The following SUPT3H variants were observed in gnomAD, a reference collection of about 807,000 sequenced individuals.
The protein encoded by SUPT3H is transcription initiation protein SPT3 homolog.
Under a neutral mutation model 44.3 loss-of-function variants are expected in SUPT3H, and 44 were observed. That is an observed-to-expected ratio of 0.99 (90% CI 0.78 to 1.28). SUPT3H has a LOEUF of 1.28. Among genes scored for constraint, SUPT3H ranks in the 50% most tolerant of loss-of-function variants. The pLI is 0.00. For missense variants in SUPT3H, 380 were observed against 387.1 expected, an observed-to-expected ratio of 0.98 and a Z score of 0.15; for synonymous variants, 124 against 125.6, an observed-to-expected ratio of 0.99 and a Z score of 0.09.
rs1296193771 is a variant in SUPT3H, at chr6:45,130,713, T to C, written c.102-24707A>G. Among the ~76,000 whole-genome samples the C allele has an allele frequency of 2.7e-5, 3 of 109,664 alleles. No homozygotes were observed. In the South Asian group the frequency reaches 9.5e-4, roughly 35 times the overall value. 71.9% of individuals were successfully genotyped at this position (109,664 alleles called of 152,430 possible). A position where few individuals can be genotyped will look rare whatever the true frequency, so the allele number is the denominator to read the frequency against. ...AAAAAAAAACAAAAAAAAAAACCACTTTTTTTTTTTTTTTTTTTTTTCAGA... is the reference window on the plus strand; with the variant it reads ...AAAAAAAAACAAAAAAAAAAACCACCTTTTTTTTTTTTTTTTTTTTTCAGA... On this transcript the variant is annotated intron_variant, in intron 2 of 10. Transcript: ENST00000371459.
intron 6 of SUPT3H, among the ~76,000 whole-genome samples, chr6:44,999,405 T>C (rs1781712905): frequency 6.6e-6 from 1 of 152,018 alleles, no homozygotes. Context: ...TGAAGGGTGG[T>C]GTTTTGTAAC....
intron 2 of SUPT3H, among the ~76,000 whole-genome samples, chr6:45,200,876 T>C (rs1762368857): frequency 6.6e-6 from 1 of 151,582 alleles, no homozygotes; most frequent in Non-Finnish European, 1.5e-5. Context: ...TACATACTGG[T>C]AATAAATGTA....
At chr6:45,113,278 A>G (rs1800345500) in intron 2 of SUPT3H, among the ~76,000 whole-genome samples, 1 of 152,178 alleles carries the variant, frequency 6.6e-6, no homozygotes. Context: ...CACAGACATC[A>G]TACTGTTGTT....
intron 2 of SUPT3H, among the ~76,000 whole-genome samples, chr6:45,352,170 A>G (rs1356925780): frequency 6.6e-6 from 1 of 152,194 alleles, no homozygotes; most frequent in Non-Finnish European, 1.5e-5. Flanking sequence ...AAAAATCCTA[A>G]CAGTATTTCA....
At chr6:45,178,344 C>G (rs1812414436) in intron 2 of SUPT3H, among the ~76,000 whole-genome samples, 1 of 152,188 alleles carries the variant, frequency 6.6e-6, no homozygotes, top group Non-Finnish European at 1.5e-5. Flanking sequence ...GTAAAGGGAT[C>G]AATTCAACAA....
chr6:44,828,056 T>C lies in SUPT3H; in HGVS notation c.*1760A>G, dbSNP rs1238363791. Among the ~76,000 whole-genome samples the C allele has an allele frequency of 6.6e-6, 1 of 152,120 alleles. No homozygotes were observed. Among genetic ancestry groups the C allele is most frequent in the African/African-American group, 2.4e-5 (1 of 41,432 alleles). ...AACCCAAACCCTATATTTTCTGCCT[T>C]GTGCATACTTTAAAATGTATAATGT... On this transcript the variant is annotated 3_prime_UTR_variant, in exon 11 of 11. Transcript: ENST00000371459.
intron 4 of SUPT3H, among the ~76,000 whole-genome samples, chr6:45,017,709 C>G (rs1394246750): frequency 1.4e-5 from 2 of 146,728 alleles, no homozygotes; most frequent in Non-Finnish European, 3.0e-5. Context: ...ATCTATATCT[C>G]TGTTTTGGTA....
intron 2 of SUPT3H, among the ~76,000 whole-genome samples, chr6:45,284,197 A>T (rs1335692943): frequency 1.3e-5 from 2 of 152,220 alleles, no homozygotes; most frequent in Non-Finnish European, 2.9e-5. Flanking sequence ...GAGAAGCAAG[A>T]GCAAACACAT....
intron 10 of SUPT3H, among the ~76,000 whole-genome samples, chr6:44,897,574 C>G (rs1341189256): frequency 6.6e-6 from 1 of 152,192 alleles, no homozygotes; most frequent in African/African-American, 2.4e-5. Context: ...AACATCATTT[C>G]AAGCAAAATC....
intron 10 of SUPT3H, among the ~76,000 whole-genome samples, chr6:44,924,689 G>A (rs1387480619): frequency 1.3e-5 from 2 of 151,946 alleles, no homozygotes; most frequent in East Asian, 3.9e-4. Context: ...ATCTTTCTGG[G>A]AAATACTCAC....
intron 6 of SUPT3H, among the ~76,000 whole-genome samples, chr6:44,994,370 T>C (rs1045608855): frequency 6.6e-6 from 1 of 152,160 alleles, no homozygotes; most frequent in African/African-American, 2.4e-5. Flanking sequence ...GAAAACTTCC[T>C]AGAGAGTTGA....
At chr6:44,915,232 G>A (rs1311972688) in intron 10 of SUPT3H, among the ~76,000 whole-genome samples, 2 of 152,250 alleles carry the variant, frequency 1.3e-5, no homozygotes, top group Non-Finnish European at 2.9e-5. Context: ...TCTTTCCACT[G>A]GGGAGAAAGA....
At chr6:45,010,978 G>C (rs1583036777) in intron 5 of SUPT3H, among the ~76,000 whole-genome samples, 1 of 152,082 alleles carries the variant, frequency 6.6e-6, no homozygotes. Context: ...AGGTGATCAT[G>C]TGATTTTTCT....
intron 2 of SUPT3H, among the ~76,000 whole-genome samples, chr6:45,272,584 C>T (rs983411314): frequency 2.6e-5 from 4 of 152,080 alleles, no homozygotes; most frequent in African/African-American, 9.7e-5. Context: ...CCTTTAAAGA[C>T]AGTTTAAGAT....
At chr6:45,218,483 AC>A (rs1419283820) in intron 2 of SUPT3H, among the ~76,000 whole-genome samples, 4 of 152,178 alleles carry the variant, frequency 2.6e-5, no homozygotes, top group Non-Finnish European at 4.4e-5. Context: ...TAATCCCAAC[AC>A]TTTGGGAGGC....
chr6:45,007,967 G>C (rs1288954095), intron 5 of SUPT3H, among the ~76,000 whole-genome samples: 1 of 151,886 alleles, frequency 6.6e-6, no homozygotes, highest in Non-Finnish European at 1.5e-5. Flanking sequence ...CTTTCATTTA[G>C]CTTAATATTT....
At chr6:44,918,561 C>A (rs1233322811) in intron 10 of SUPT3H, among the ~76,000 whole-genome samples, 1 of 152,084 alleles carries the variant, frequency 6.6e-6, no homozygotes, top group East Asian at 1.9e-4. Flanking sequence ...TGACTGTAGG[C>A]AACCAAAAAT....
rs1796148835 is a variant in SUPT3H at position 45,372,103 on chromosome 6, A to G, written c.-1+5665T>C. On this transcript the variant is annotated intron_variant, in intron 1 of 10. Coordinates refer to ENST00000371459, the MANE Select transcript of SUPT3H (RefSeq NM_003599.4). ...CAGTGAACTGTGTTGTGAAATATTAATATCTGACTATGCCAAACCACAATG... is the reference window on the plus strand; with the variant it reads ...CAGTGAACTGTGTTGTGAAATATTAGTATCTGACTATGCCAAACCACAATG... 6 of 819,072 alleles carry G rather than the reference A, an allele frequency of 7.3e-6. No homozygotes were observed. In the South Asian group the frequency reaches 2.8e-4, roughly 38 times the overall value. 50.7% of individuals were successfully genotyped at this position (819,072 alleles called of 1,614,324 possible). A position where few individuals can be genotyped will look rare whatever the true frequency, so the allele number is the denominator to read the frequency against.
chr6:44,829,239 GAC>G lies in SUPT3H; in HGVS notation c.*575_*576del, dbSNP rs1440733465. ...AAGTTGGGAAGCAGGCATTGAAAATGACACATACTATAAGTGGAGTGAAGGGG... is the reference window on the plus strand; with the variant it reads ...AAGTTGGGAAGCAGGCATTGAAAATGACATACTATAAGTGGAGTGAAGGGG... On this transcript the variant is annotated 3_prime_UTR_variant, in exon 11 of 11. Coordinates refer to ENST00000371459, the MANE Select transcript of SUPT3H (RefSeq NM_003599.4). 6.6e-6 allele frequency: 1 copy of G among 152,248 alleles called. No homozygotes were observed. Among genetic ancestry groups the G allele is most frequent in the African/African-American group, 2.4e-5 (1 of 41,444 alleles). 9.4% of individuals were successfully genotyped at this position (152,248 alleles called of 1,614,324 possible).
Sources: gnomAD v4.1 joint callset for allele counts (sites outside exome capture counted in the v4.1 genomes callset) on GRCh38, gnomAD v4.1.1 for gene constraint, MANE v1.5 for transcripts, NCBI Gene and HGNC (gene_info 2026-07-23, HGNC 2026-07-21) for gene names.